Variants in GUCY1A1 observed in about 807,000 individuals in gnomAD.
GUCY1A1 encodes guanylate cyclase soluble subunit alpha-1.
A neutral mutation model predicts 64.5 loss-of-function variants in GUCY1A1; 48 were observed. The observed-to-expected ratio is 0.74, with a 90% CI of 0.59 to 0.95. The LOEUF (loss-of-function observed/expected upper bound fraction) is 0.95, where lower values mean the gene tolerates loss of function less well. Ranked by LOEUF, GUCY1A1 falls within the 40% of genes least tolerant of loss-of-function variation. The pLI is 0.00. For missense variants in GUCY1A1, 804 were observed against 825.3 expected (o/e 0.97, Z 0.32); for synonymous variants, 308 against 303.4 (o/e 1.02, Z -0.16).
At chr4:155,667,079 T>G (rs1733398762) in intron 1 of GUCY1A1, 114 bp downstream of exon 1, 1 of 151,920 alleles carries the variant, frequency 6.6e-6, no homozygotes, top group Non-Finnish European at 1.5e-5. Context: ...AAGGGTTCCT[T>G]TGGGGTGATC....
chr4:155,675,980 A>T (rs1305748028), intron 2 of GUCY1A1, among the ~76,000 whole-genome samples: 5 of 151,434 alleles, frequency 3.3e-5, no homozygotes, highest in Non-Finnish European at 7.3e-5. Flanking sequence ...CTAAGGCCTA[A>T]ATCTCCTTTG....
At chr4:155,671,461 A>G (rs1734133732) in intron 2 of GUCY1A1, among the ~76,000 whole-genome samples, 1 of 152,128 alleles carries the variant, frequency 6.6e-6, no homozygotes, top group South Asian at 2.1e-4. Context: ...TACTTTGTGC[A>G]GCTATTTTAT....
chr4:155,722,066 T>C lies in GUCY1A1; in HGVS notation c.1745T>C (p.Val582Ala). 6.2e-7 allele frequency: 1 copy of C among 1,613,326 alleles called. No individual in the cohort carries two copies. Among genetic ancestry groups the C allele is most frequent in the Non-Finnish European group, 8.5e-7 (1 of 1,179,450 alleles). Residue 582 changes from valine (V) to alanine (A), a missense_variant, in exon 9 of 10, where the codon GTT (valine) becomes GCT (alanine). Coordinates refer to ENST00000506455, the MANE Select transcript of GUCY1A1 (RefSeq NM_001130682.3). ...CGAATTGGACTGCACTCTGGATCAGTTTTTGCTGGCGTCGTTGGAGTTAAA... is the reference window on the plus strand; with the variant it reads ...CGAATTGGACTGCACTCTGGATCAGCTTTTGCTGGCGTCGTTGGAGTTAAA... ...KMRIGLHSGS[V>A]FAGVVGVKMP...
rs1388895548 is a variant in GUCY1A1, at chr4:155,704,011, A to C, written c.317+18A>C. ...GAAAGCAGGTAAGTCAAACCACTTT[A>C]GTTGTGTGAACCTCTTATTACAATG... On this transcript the variant is annotated intron_variant, in intron 4 of 9. Coordinates refer to ENST00000506455, the MANE Select transcript of GUCY1A1 (RefSeq NM_001130682.3). 2.6e-6 allele frequency: 4 copies of C among 1,516,100 alleles called. No individual in the cohort carries two copies. In the African/African-American group the frequency reaches 5.5e-5, roughly 21 times the overall value. The allele number at this position is 1,516,100 out of a possible 1,614,324, so 93.9% of individuals were successfully genotyped here.
At chr4:155,692,901 A>C (rs1729939002) in intron 2 of GUCY1A1, among the ~76,000 whole-genome samples, 1 of 152,114 alleles carries the variant, frequency 6.6e-6, no homozygotes. Flanking sequence ...TCTACTAAAA[A>C]TACAAAAATT....
At chr4:155,710,413 T>A (rs984089288) in intron 5 of GUCY1A1, 129 bp from the exon 6 acceptor site, 1 of 604,536 alleles carries the variant, frequency 1.7e-6, no homozygotes. Context: ...TCATTTTGGT[T>A]GGAAATGTTA....
At chr4:155,711,330 T>C (rs939203124) in intron 6 of GUCY1A1, 79 bp downstream of exon 6, 7 of 702,226 alleles carry the variant, frequency 1.0e-5, no homozygotes, top group Middle Eastern at 2.4e-4. Context: ...TAAAAATATA[T>C]GCATCACTTC....
intron 2 of GUCY1A1, among the ~76,000 whole-genome samples, chr4:155,671,587 T>C: frequency 6.6e-6 from 1 of 152,332 alleles, no homozygotes; most frequent in South Asian, 2.1e-4. Flanking sequence ...AGGACCATAC[T>C]TTTTAATTCA....
intron 7 of GUCY1A1, among the ~76,000 whole-genome samples, chr4:155,715,175 CT>C (rs59984586): frequency 1.3e-5 from 2 of 151,664 alleles, no homozygotes; most frequent in Admixed American, 6.6e-5. Context: ...CTCATTTCTA[CT>C]TTTTTTTCAC....
chr4:155,727,266 T>C (rs985654694), intron 9 of GUCY1A1, among the ~76,000 whole-genome samples: 3 of 151,900 alleles, frequency 2.0e-5, no homozygotes, highest in Non-Finnish European at 4.4e-5. Context: ...AAATGGTTTT[T>C]CTTATATATT....
rs1731850188 is a variant in GUCY1A1 at position 155,706,884 on chromosome 4, T to A, written c.318-1352T>A. ...AATTAGGCAAACATGAATCAACAAGTCGTGCAGTTAAAACTGCAAAAAAAT... is the reference window on the plus strand; with the variant it reads ...AATTAGGCAAACATGAATCAACAAGACGTGCAGTTAAAACTGCAAAAAAAT... On this transcript the variant is annotated intron_variant, in intron 4 of 9. Transcript: ENST00000506455. 2.0e-5 allele frequency among the ~76,000 whole-genome samples: 3 copies of A among 152,206 alleles called. No individual in the cohort carries two copies. The South Asian group carries it at 6.2e-4, about 32-fold the overall frequency.
intron 3 of GUCY1A1, among the ~76,000 whole-genome samples, chr4:155,697,682 T>A (rs1159016958): frequency 6.6e-6 from 1 of 152,202 alleles, no homozygotes; most frequent in Admixed American, 6.5e-5. Context: ...CAGTCTTGAC[T>A]TTCTCCCTTG....
At chr4:155,677,579 C>T (rs562017104) in intron 2 of GUCY1A1, among the ~76,000 whole-genome samples, 126 of 152,160 alleles carry the variant, frequency 8.3e-4, no homozygotes, top group Non-Finnish European at 6.5e-4. Flanking sequence ...GGCCGGGCAC[C>T]GTGGCTCACA....
At chr4:155,713,018 G>C (rs940000841) in intron 6 of GUCY1A1, 80 bp from the exon 7 acceptor site, 3 of 1,206,446 alleles carry the variant, frequency 2.5e-6, no homozygotes, top group South Asian at 1.5e-5. Context: ...GTTTATTACT[G>C]TATCTACTTC....
rs575733034 is a variant in GUCY1A1 at position 155,718,668 on chromosome 4, A to T, written c.1716+1366A>T. Among the ~76,000 whole-genome samples, 3 of 152,224 alleles carry T rather than the reference A, an allele frequency of 2.0e-5. No homozygotes were observed. In the South Asian group the frequency reaches 6.2e-4, roughly 32 times the overall value. ...GGCTGAAAGGTTGGGTTCAGCTGGG[A>T]TTGTTAGCGTTACATGTGATGCCCT... is the stretch of plus-strand genomic sequence containing the variant. On this transcript the variant is annotated intron_variant, in intron 8 of 9. Coordinates refer to ENST00000506455, the MANE Select transcript of GUCY1A1 (RefSeq NM_001130682.3).
At chr4:155,728,537 T>C (rs958801196) in intron 9 of GUCY1A1, among the ~76,000 whole-genome samples, 2 of 151,920 alleles carry the variant, frequency 1.3e-5, no homozygotes, top group Admixed American at 1.3e-4. Flanking sequence ...TACATATGTC[T>C]TTAGATAATA....
chr4:155,735,592 A>G lies in GUCY1A1; in HGVS notation c.*5361A>G, dbSNP rs529880928. The G allele has an allele frequency of 2.0e-5, 3 of 152,054 alleles. No homozygotes were observed. Among genetic ancestry groups the G allele is most frequent in the Non-Finnish European group, 4.4e-5 (3 of 67,924 alleles). 9.4% of individuals were successfully genotyped at this position (152,054 alleles called of 1,614,324 possible). A position where few individuals can be genotyped will look rare whatever the true frequency, so the allele number is the denominator to read the frequency against. ...ATTAAATCACAAATGAGCCTTCCAG[A>G]TTGTGAGGAAAATTACTTGGCTGAA... On this transcript the variant is annotated 3_prime_UTR_variant, in exon 10 of 10. Coordinates refer to ENST00000506455, the MANE Select transcript of GUCY1A1 (RefSeq NM_001130682.3).
chr4:155,678,177 G>T (rs1042662325), intron 2 of GUCY1A1, among the ~76,000 whole-genome samples: 1 of 152,026 alleles, frequency 6.6e-6, no homozygotes, highest in African/African-American at 2.4e-5. Flanking sequence ...AATTCCATTA[G>T]AATGATTACA....
chr4:155,711,553 G>A (rs958826631), intron 6 of GUCY1A1, among the ~76,000 whole-genome samples: 4 of 152,098 alleles, frequency 2.6e-5, no homozygotes, highest in Admixed American at 6.5e-5. Context: ...TTATCAAATA[G>A]CTGACTTAGG....
Sources: allele counts gnomAD v4.1 joint callset (sites outside exome capture counted in the v4.1 genomes callset), GRCh38; gene constraint gnomAD v4.1.1; transcripts MANE v1.5; gene names NCBI Gene and HGNC (gene_info 2026-07-23, HGNC 2026-07-21).